UBE3D: variants seen among roughly 807,000 people sequenced by gnomAD.
UBE3D encodes ubiquitin protein ligase E3D, also known as E3 ubiquitin-protein ligase E3D.
UBE3D carries 48 observed loss-of-function variants against 49.6 expected under a neutral mutation model. That is an observed-to-expected ratio of 0.97 (90% CI 0.77 to 1.23). The LOEUF (loss-of-function observed/expected upper bound fraction) is 1.23. Ranked by LOEUF, UBE3D falls within the 50% of genes most tolerant of loss-of-function variation. UBE3D has a pLI of 0.00. For missense variants in UBE3D, 452 were observed against 468.4 expected (o/e 0.96, Z 0.32); for synonymous variants, 189 against 174.2 (o/e 1.08, Z -0.67).
chr6:82,912,135 C>T (rs1469337547), intron 9 of UBE3D, among the ~76,000 whole-genome samples: 1 of 152,062 alleles, frequency 6.6e-6, no homozygotes, highest in Non-Finnish European at 1.5e-5. Context: ...GCACACAGTC[C>T]TTCCTCCCTT....
At chr6:83,020,086 C>T (rs1780979995) in intron 7 of UBE3D, among the ~76,000 whole-genome samples, 3 of 152,152 alleles carry the variant, frequency 2.0e-5, no homozygotes, top group South Asian at 2.1e-4. Flanking sequence ...TAAATTAGTA[C>T]AACTTTTTTG....
intron 9 of UBE3D, among the ~76,000 whole-genome samples, chr6:82,925,463 A>G (rs946078826): frequency 1.3e-5 from 2 of 152,150 alleles, no homozygotes; most frequent in Non-Finnish European, 2.9e-5. Context: ...ATGAGACTCT[A>G]TGATTAGACA....
In UBE3D at chr6:83,030,209, TA is replaced by T. The variant is rs375937584; in HGVS notation, c.668-6172del. Reference sequence around the variant, plus strand: ...ATACCTGAGGCTGAGTAATTAAAATTAAAAAAAAAAGACGTTTCTGATATGG... The same window carrying T: ...ATACCTGAGGCTGAGTAATTAAAATTAAAAAAAAAGACGTTTCTGATATGG... On this transcript the variant is annotated intron_variant, in intron 5 of 9. Transcript: ENST00000369747. Among the ~76,000 whole-genome samples, 157 of 148,498 alleles carry T rather than the reference TA, an allele frequency of 1.1e-3. 1 individual carries two copies. Among genetic ancestry groups the T allele is most frequent in the African/African-American group, 3.6e-3 (144 of 40,554 alleles).
intron 8 of UBE3D, among the ~76,000 whole-genome samples, chr6:82,971,524 C>G (rs1276829173): frequency 6.6e-6 from 1 of 151,714 alleles, no homozygotes; most frequent in Non-Finnish European, 1.5e-5. Context: ...AAGTGGAAGT[C>G]CTTTGCCAGT....
At position 83,032,366 on chromosome 6, in the gene UBE3D, T is replaced by C. The variant is rs532133351; in HGVS notation, c.667+6050A>G. ...TTGGAGCTTTAAGGTTTGACTACTTTGCTGGATTTCAGACTTGCATGGGGC... is the reference window on the plus strand; with the variant it reads ...TTGGAGCTTTAAGGTTTGACTACTTCGCTGGATTTCAGACTTGCATGGGGC... On this transcript the variant is annotated intron_variant, in intron 5 of 9. Coordinates refer to ENST00000369747, the MANE Select transcript of UBE3D (RefSeq NM_198920.3). 3.0e-5 allele frequency: 13 copies of C among 435,894 alleles called. 1 individual carries two copies. Among genetic ancestry groups the C allele is most frequent in the South Asian group, 2.1e-4 (13 of 61,536 alleles). 27.0% of individuals were successfully genotyped at this position (435,894 alleles called of 1,614,324 possible).
chr6:82,952,757 C>T (rs1485940033), intron 9 of UBE3D, among the ~76,000 whole-genome samples: 2 of 152,090 alleles, frequency 1.3e-5, no homozygotes, highest in Non-Finnish European at 2.9e-5. Context: ...CCTCTCTACC[C>T]AAAGAGAAGT....
At chr6:83,052,516 T>C (rs1783536445) in intron 3 of UBE3D, among the ~76,000 whole-genome samples, 1 of 151,302 alleles carries the variant, frequency 6.6e-6, no homozygotes, top group African/African-American at 2.4e-5. Flanking sequence ...GGAGACAGAG[T>C]GTGGGGTGCA....
intron 9 of UBE3D, 113 bp downstream of exon 9, chr6:82,957,199 T>C: frequency 2.7e-6 from 3 of 1,105,168 alleles, no homozygotes; most frequent in South Asian, 1.6e-5. Context: ...ATGCTTGTTA[T>C]GATTTGAAAC....
At chr6:83,054,900 C>T (rs1456153592) in intron 2 of UBE3D, among the ~76,000 whole-genome samples, 4 of 152,182 alleles carry the variant, frequency 2.6e-5, no homozygotes, top group South Asian at 4.1e-4. Context: ...CCCCTTGCCT[C>T]GGCCTCCCAA....
intron 9 of UBE3D, among the ~76,000 whole-genome samples, chr6:82,955,411 T>C (rs1582457447): frequency 6.6e-6 from 1 of 152,262 alleles, no homozygotes; most frequent in African/African-American, 2.4e-5. Context: ...CACTCACCCA[T>C]GGCATGCAAA....
chr6:83,024,593 G>A (rs939823275), intron 5 of UBE3D, among the ~76,000 whole-genome samples: 2 of 152,044 alleles, frequency 1.3e-5, no homozygotes, highest in Non-Finnish European at 1.5e-5. Flanking sequence ...GAAGCATTCA[G>A]GGATCCACTG....
chr6:82,981,319 G>C (rs1247808840), intron 8 of UBE3D, among the ~76,000 whole-genome samples: 1 of 152,048 alleles, frequency 6.6e-6, no homozygotes, highest in Non-Finnish European at 1.5e-5. Flanking sequence ...ACAGCATACA[G>C]GATAGGTTTT....
intron 4 of UBE3D, among the ~76,000 whole-genome samples, chr6:83,043,637 A>C (rs1250556740): frequency 1.3e-5 from 2 of 152,256 alleles, no homozygotes; most frequent in African/African-American, 4.8e-5. Context: ...TATTATTACA[A>C]AAATTAAATG....
intron 9 of UBE3D, among the ~76,000 whole-genome samples, chr6:82,932,186 C>A (rs1466355043): frequency 2.0e-5 from 3 of 152,080 alleles, no homozygotes; most frequent in Non-Finnish European, 4.4e-5. Flanking sequence ...AAATTACCTA[C>A]TCTCAGGTAT....
chr6:83,029,694 T>A (rs1781731085), intron 5 of UBE3D, among the ~76,000 whole-genome samples: 1 of 152,238 alleles, frequency 6.6e-6, no homozygotes, highest in Non-Finnish European at 1.5e-5. Context: ...TTGTAGCAAC[T>A]GTGGATTTTG....
chr6:83,064,131 G>C (rs765251175), intron 1 of UBE3D, among the ~76,000 whole-genome samples: 7 of 151,952 alleles, frequency 4.6e-5, no homozygotes, highest in Non-Finnish European at 8.8e-5. Context: ...AATGCAGCCA[G>C]AAACAAAAAA....
At position 83,046,676 on chromosome 6, in the gene UBE3D, G is replaced by GGC. The variant is rs957789593; in HGVS notation, c.366-2018_366-2017insGC. On this transcript the variant is annotated intron_variant, in intron 3 of 9. Coordinates refer to ENST00000369747, the MANE Select transcript of UBE3D (RefSeq NM_198920.3). ...GTTCTAAATTCTTGCAGTTGGCGGG[G>GGC]GGGGTGGGCGGTGGCACCGGGGGAG... Among the ~76,000 whole-genome samples the GGC allele has an allele frequency of 9.4e-5, 13 of 138,202 alleles. 1 individual carries two copies. The highest frequency in any genetic ancestry group is 2.3e-4 in the East Asian group (1 of 4,436). The allele number at this position is 138,202 out of a possible 152,430, so 90.7% of individuals were successfully genotyped here. A position where few individuals can be genotyped will look rare whatever the true frequency, so the allele number is the denominator to read the frequency against.
chr6:83,049,694 CT>C (rs1021309020), intron 3 of UBE3D: 2 of 465,646 alleles, frequency 4.3e-6, no homozygotes, highest in African/African-American at 4.0e-5. Flanking sequence ...AGGCTGACAC[CT>C]AGCACTACCT....
chr6:82,959,493 A>T (rs925444917), intron 8 of UBE3D, among the ~76,000 whole-genome samples: 2 of 151,652 alleles, frequency 1.3e-5, no homozygotes, highest in Non-Finnish European at 2.9e-5. Flanking sequence ...CTAACACCCA[A>T]GCTCTTCCTT....
Sources: gnomAD v4.1 joint callset for allele counts (sites outside exome capture counted in the v4.1 genomes callset) on GRCh38, gnomAD v4.1.1 for gene constraint, MANE v1.5 for transcripts, NCBI Gene and HGNC (gene_info 2026-07-23, HGNC 2026-07-21) for gene names.